Variants in CABP1 observed in about 807,000 individuals in gnomAD.
CABP1 encodes the protein calcium-binding protein 1.
In CABP1, 17 loss-of-function variants were observed where a neutral mutation model predicts 34.3. The observed-to-expected ratio is 0.50, with a 90% CI of 0.34 to 0.74. The LOEUF (loss-of-function observed/expected upper bound fraction) is 0.74. CABP1 is among the 30% of genes least tolerant of loss of function. The pLI, the probability that CABP1 is intolerant of heterozygous loss-of-function variation, is 0.01. For synonymous variants in CABP1, 198 were observed against 229.2 expected, an observed-to-expected ratio of 0.86 and a Z score of 1.23; for missense variants, 373 against 511.1, an observed-to-expected ratio of 0.73 and a Z score of 2.61.
In CABP1 at chr12:120,667,006, C is replaced by G. The variant is rs1371404915; in HGVS notation, c.*106C>G. 11 of 1,388,086 alleles carry G rather than the reference C, an allele frequency of 7.9e-6. No individual in the cohort carries two copies. The African/African-American group carries it at 1.0e-4, about 13-fold the overall frequency. 86.0% of individuals were successfully genotyped at this position (1,388,086 alleles called of 1,614,324 possible). ...CCGCCGAGAGCCCAGGATGTACTGGCGGATGGGGCCTGCCTGCACCCCGGG... is the reference window on the plus strand; with the variant it reads ...CCGCCGAGAGCCCAGGATGTACTGGGGGATGGGGCCTGCCTGCACCCCGGG... On this transcript the variant is annotated 3_prime_UTR_variant, in exon 6 of 6. Transcript: ENST00000316803.
intron 1 of CABP1, among the ~76,000 whole-genome samples, chr12:120,657,820 C>T (rs951637068): frequency 5.9e-5 from 9 of 152,134 alleles, no homozygotes; most frequent in East Asian, 1.9e-4. Flanking sequence ...CTGTTCCTCC[C>T]GAGTCCTGCA....
At chr12:120,665,351 G>A (rs750851165) in intron 5 of CABP1, among the ~76,000 whole-genome samples, 3 of 152,122 alleles carry the variant, frequency 2.0e-5, no homozygotes, top group Non-Finnish European at 4.4e-5. Context: ...GCTTGAGCCC[G>A]GGAGGTCAAG....
At position 120,667,250 on chromosome 12, in the gene CABP1, A is replaced by G. The variant is rs1233426725; in HGVS notation, c.*350A>G. The G allele has an allele frequency of 4.6e-6, 2 of 431,772 alleles. No individual in the cohort carries two copies. Among genetic ancestry groups the G allele is most frequent in the Non-Finnish European group, 8.5e-6 (2 of 236,236 alleles). 26.7% of individuals were successfully genotyped at this position (431,772 alleles called of 1,614,324 possible). A position where few individuals can be genotyped will look rare whatever the true frequency, so the allele number is the denominator to read the frequency against. Reference sequence around the variant, plus strand: ...TGTCCGCCCCAGGGCAAAGCCTCCCACCTTCGCTCTGCGCCCGTCCCAGCT... The same window carrying G: ...TGTCCGCCCCAGGGCAAAGCCTCCCGCCTTCGCTCTGCGCCCGTCCCAGCT... On this transcript the variant is annotated 3_prime_UTR_variant, in exon 6 of 6. Transcript: ENST00000316803.
chr12:120,668,754 C>T (rs1329760862), downstream of CABP1, among the ~76,000 whole-genome samples: 1 of 152,220 alleles, frequency 6.6e-6, no homozygotes, highest in Admixed American at 6.5e-5. Flanking sequence ...AGTCTTAAAG[C>T]AGCCCAAAGG....
rs1198772092 is a variant in CABP1, at chr12:120,641,397, C to T, written c.654+58C>T. On this transcript the variant is annotated intron_variant, in intron 1 of 5. Transcript: ENST00000316803. This position sits in a 1 kb window ranked among gnomAD's most constrained non-coding sequence, Gnocchi z 6.7. ...GAAAGGCGCTCGGGACCCTGCCGGC[C>T]GCGGTTGCGCGTCCACAGCCTCCTC... 3.2e-6 allele frequency: 4 copies of T among 1,241,720 alleles called. No individual in the cohort carries two copies. The African/African-American group carries it at 6.2e-5, about 19-fold the overall frequency. 76.9% of individuals were successfully genotyped at this position (1,241,720 alleles called of 1,614,324 possible). A position where few individuals can be genotyped will look rare whatever the true frequency, so the allele number is the denominator to read the frequency against.
chr12:120,665,571 T>A (rs1219773344), intron 5 of CABP1, among the ~76,000 whole-genome samples: 12 of 152,136 alleles, frequency 7.9e-5, no homozygotes, highest in Non-Finnish European at 1.2e-4. Flanking sequence ...GTGATAACGA[T>A]GTGTCGGTGT....
Position 120,666,977 on chromosome 12 carries a change from G to C in CABP1, c.*77G>C. 1 of 1,524,962 alleles carries C rather than the reference G, an allele frequency of 6.6e-7. No individual in the cohort carries two copies. The highest frequency in any genetic ancestry group is 1.2e-5 in the South Asian group (1 of 84,300). The allele number at this position is 1,524,962 out of a possible 1,614,324, so 94.5% of individuals were successfully genotyped here. On this transcript the variant is annotated 3_prime_UTR_variant, in exon 6 of 6. Coordinates refer to ENST00000316803, the MANE Select transcript of CABP1 (RefSeq NM_001033677.2). Reference sequence around the variant, plus strand: ...GGAGCTAGAGCTTGCCTCACCCGCTGTAGCCGCCGAGAGCCCAGGATGTAC... The same window carrying C: ...GGAGCTAGAGCTTGCCTCACCCGCTCTAGCCGCCGAGAGCCCAGGATGTAC...
chr12:120,677,606 G>A, the CABP1 span, among the ~76,000 whole-genome samples: 2 of 150,720 alleles, frequency 1.3e-5, no homozygotes, highest in African/African-American at 2.4e-5. Context: ...GGTGTCTCAC[G>A]ATGTTGCCCA....
chr12:120,677,088 T>G, the CABP1 span, among the ~76,000 whole-genome samples: 1 of 150,486 alleles, frequency 6.6e-6, no homozygotes, highest in African/African-American at 2.4e-5. Flanking sequence ...TTTGTGGTTT[T>G]TTTTTTTTTT....
intron 1 of CABP1, among the ~76,000 whole-genome samples, chr12:120,657,040 C>A (rs1593164598): frequency 6.6e-6 from 1 of 152,226 alleles, no homozygotes; most frequent in East Asian, 1.9e-4. Flanking sequence ...ATACGTGGCA[C>A]TGTCCGGTAG....
intron 1 of CABP1, chr12:120,650,729 T>G: frequency 6.3e-7 from 1 of 1,580,712 alleles, no homozygotes; most frequent in Non-Finnish European, 8.7e-7. Flanking sequence ...ATTGGGGGTA[T>G]CTCACCATCT....
intron 1 of CABP1, among the ~76,000 whole-genome samples, chr12:120,644,052 C>T (rs1459529474): frequency 2.6e-5 from 4 of 152,140 alleles, no homozygotes; most frequent in Non-Finnish European, 5.9e-5. Flanking sequence ...ATGGAGACAG[C>T]GTGGTTTTGA....
At chr12:120,644,007 C>T (rs1217461960) in intron 1 of CABP1, among the ~76,000 whole-genome samples, 1 of 152,188 alleles carries the variant, frequency 6.6e-6, no homozygotes, top group African/African-American at 2.4e-5. Context: ...GAAAACTCTC[C>T]CAGTGACCTC....
chr12:120,661,869 T>C lies in CABP1; in HGVS notation c.1087+651T>C, dbSNP rs1245493981. The C allele has an allele frequency of 1.3e-5, 2 of 153,000 alleles. No individual in the cohort carries two copies. Among genetic ancestry groups the C allele is most frequent in the Non-Finnish European group, 2.9e-5 (2 of 68,572 alleles). 9.5% of individuals were successfully genotyped at this position (153,000 alleles called of 1,614,324 possible). A position where few individuals can be genotyped will look rare whatever the true frequency, so the allele number is the denominator to read the frequency against. On this transcript the variant is annotated intron_variant, in intron 5 of 5. Coordinates refer to ENST00000316803, the MANE Select transcript of CABP1 (RefSeq NM_001033677.2). This position sits in a 1 kb window ranked among gnomAD's most constrained non-coding sequence, Gnocchi z 5.1. ...TCCTATAGCAATTTATCCATGCATT[T>C]ATCTGTCCATTCGTGCATCTATTCA...
At chr12:120,643,146 A>G (rs1408523401) in intron 1 of CABP1, among the ~76,000 whole-genome samples, 4 of 152,158 alleles carry the variant, frequency 2.6e-5, no homozygotes, top group Admixed American at 1.3e-4. Context: ...CAATGTTCTG[A>G]AATGTCACCA....
downstream of CABP1, among the ~76,000 whole-genome samples, chr12:120,671,282 G>A (rs1295931474): frequency 6.6e-6 from 1 of 152,204 alleles, no homozygotes; most frequent in African/African-American, 2.4e-5. Context: ...GTGCGCGCCT[G>A]CAATCCCAGC....
downstream of CABP1, among the ~76,000 whole-genome samples, chr12:120,669,499 G>C (rs532518165): frequency 2.0e-5 from 3 of 152,298 alleles, no homozygotes; most frequent in African/African-American, 2.4e-5. Flanking sequence ...ATAGACTTAG[G>C]GATAAACTAG....
In CABP1 at chr12:120,661,651, G is replaced by A. The variant is rs7975067; in HGVS notation, c.1087+433G>A. ...CATCCATTTATCCATCCATCCATCC[G>A]TCCATCCATTCGTCTACATATCTAT... On this transcript the variant is annotated intron_variant, in intron 5 of 5. Transcript: ENST00000316803. This position sits in a 1 kb window ranked among gnomAD's most constrained non-coding sequence, Gnocchi z 5.1. 78,066 of 149,462 alleles carry A rather than the reference G, an allele frequency of 0.52. 21,508 individuals are homozygous for A. The highest frequency in any genetic ancestry group is 0.75 in the African/African-American group (30,587 of 40,516). The allele number at this position is 149,462 out of a possible 1,614,324, so 9.3% of individuals were successfully genotyped here.
intron 1 of CABP1, chr12:120,655,814 T>C (rs903285461): frequency 1.3e-6 from 2 of 1,493,410 alleles, no homozygotes; most frequent in Admixed American, 2.1e-5. Context: ...CATATGTATG[T>C]GCCAGTGCGT....
Sources: allele counts gnomAD v4.1 joint callset (sites outside exome capture counted in the v4.1 genomes callset), GRCh38; gene constraint gnomAD v4.1.1; non-coding constraint Gnocchi (gnomAD v3.1); transcripts MANE v1.5; gene names NCBI Gene and HGNC (gene_info 2026-07-23, HGNC 2026-07-21).